DNAH2: variants seen among roughly 807,000 people sequenced by gnomAD.
DNAH2 encodes axonemal beta dynein heavy chain 2.
In DNAH2, 323 loss-of-function variants were observed where a neutral mutation model predicts 523.5. The observed-to-expected ratio is 0.62, with a 90% CI of 0.56 to 0.68. The LOEUF is 0.68. Among genes scored for constraint, DNAH2 ranks in the 30% least tolerant of loss-of-function variants. The probability of loss-of-function intolerance (pLI) is 0.00; values close to 1 mark genes in which losing one functional copy is unlikely to be tolerated. For missense variants in DNAH2, 4,907 were observed against 5,701.5 expected (o/e 0.86, Z 4.49); for synonymous variants, 2,093 against 2,177.4 (o/e 0.96, Z 1.08).
chr17:7,779,098 AGTGTACTCTGGT>A (rs2076536218), intron 35 of DNAH2, 133 bp from the exon 36 acceptor site: 1 of 846,018 alleles, frequency 1.2e-6, no homozygotes. Context: ...AAGCTACAAC[AGTGTACTCTGGT>A]GCCCTCCTCC....
intron 63 of DNAH2, among the ~76,000 whole-genome samples, chr17:7,810,755 A>G (rs2077495578): frequency 6.6e-6 from 1 of 152,194 alleles, no homozygotes; most frequent in African/African-American, 2.4e-5. Flanking sequence ...AGGCCAATTA[A>G]GTAAGAATCC....
chr17:7,767,950 G>C lies in DNAH2; in HGVS notation c.3726G>C (p.Glu1242Asp), dbSNP rs2076215031. 6.2e-7 allele frequency: 1 copy of C among 1,614,042 alleles called. No individual in the cohort carries two copies. ...GGGAGATCGCACGAGACTGGGAGGA[G>C]AACTGGAATGAGTGGAAGACTGGCC... ...QIWEIARDWE[E>D]NWNEWKTGRF... Residue 1242 changes from glutamate to aspartate, a missense_variant, in exon 23 of 86, where the codon GAG becomes GAC. Coordinates refer to ENST00000572933, the MANE Select transcript of DNAH2 (RefSeq NM_020877.5).
chr17:7,809,811 C>G (rs1597731450), intron 63 of DNAH2, among the ~76,000 whole-genome samples: 2 of 151,690 alleles, frequency 1.3e-5, no homozygotes, highest in East Asian at 3.9e-4. Context: ...ACGGACAAAG[C>G]CTGTGACGTT....
Position 7,774,847 on chromosome 17 carries a change from T to A in DNAH2, c.4590T>A (p.Ile1530=). Residue 1530 remains isoleucine, a synonymous_variant, in exon 29 of 86, where the codon ATT becomes ATA. Transcript: ENST00000572933. The part of the protein sequence containing the change: ...LDMYLETKRH[I]FPRFYFLSND... ...TGTATTTAGAGACCAAGCGACATATTTTCCCCCGCTTCTACTTCTTGTCCA... is the reference window on the plus strand; with the variant it reads ...TGTATTTAGAGACCAAGCGACATATATTCCCCCGCTTCTACTTCTTGTCCA... 6.2e-7 allele frequency: 1 copy of A among 1,614,210 alleles called. No individual in the cohort carries two copies. Among genetic ancestry groups the A allele is most frequent in the Admixed American group, 1.7e-5 (1 of 60,030 alleles).
At chr17:7,749,195 C>A (rs2075599116) in intron 12 of DNAH2, among the ~76,000 whole-genome samples, 1 of 150,644 alleles carries the variant, frequency 6.6e-6, no homozygotes, top group Non-Finnish European at 1.5e-5. Flanking sequence ...GTAATCCCAG[C>A]TACTCAGGAG....
chr17:7,826,183 C>G (rs2078012805), intron 77 of DNAH2, among the ~76,000 whole-genome samples: 2 of 152,206 alleles, frequency 1.3e-5, no homozygotes, highest in African/African-American at 4.8e-5. Context: ...CTACGCCCTA[C>G]TAATTTTTGC....
chr17:7,783,319 C>T (rs555788477), intron 39 of DNAH2, among the ~76,000 whole-genome samples: 3 of 152,172 alleles, frequency 2.0e-5, no homozygotes, highest in East Asian at 3.9e-4. Flanking sequence ...TCAGGTGATC[C>T]GCCTGCCTCA....
Position 7,776,710 on chromosome 17 carries a change from G to T in DNAH2, c.4948-69G>T, listed in dbSNP as rs568191702. 14 of 1,266,442 alleles carry T rather than the reference G, an allele frequency of 1.1e-5. No individual in the cohort carries two copies. The African/African-American group carries it at 1.5e-4, about 13-fold the overall frequency. 78.5% of individuals were successfully genotyped at this position (1,266,442 alleles called of 1,614,324 possible). A position where few individuals can be genotyped will look rare whatever the true frequency, so the allele number is the denominator to read the frequency against. ...GGCACATGGTTCTTGAATTAGCTGGGACTTGGGAGCTGGGCTGTGCGTGTA... is the reference window on the plus strand; with the variant it reads ...GGCACATGGTTCTTGAATTAGCTGGTACTTGGGAGCTGGGCTGTGCGTGTA... On this transcript the variant is annotated intron_variant, in intron 31 of 85. Transcript: ENST00000572933.
At chr17:7,727,821 A>G (rs1404278020) in intron 4 of DNAH2, among the ~76,000 whole-genome samples, 1 of 151,972 alleles carries the variant, frequency 6.6e-6, no homozygotes, top group Non-Finnish European at 1.5e-5. Context: ...CATATAAGCA[A>G]ATATTTACTA....
intron 48 of DNAH2, 71 bp downstream of exon 48, chr17:7,793,276 G>C: frequency 6.6e-7 from 1 of 1,518,178 alleles, no homozygotes; most frequent in African/African-American, 1.4e-5. Context: ...CACTCCACTG[G>C]GGCCCCAGGC....
chr17:7,798,475 A>G lies in DNAH2; in HGVS notation c.8399-83A>G. 1 of 1,570,628 alleles carries G rather than the reference A, an allele frequency of 6.4e-7. No homozygotes were observed. ...GTCGCGTGTATGCTGCGGGGCGGGG[A>G]GGGTTCCTAAATCTCAGAAAAGGAA... On this transcript the variant is annotated intron_variant, in intron 54 of 85. Transcript: ENST00000572933. The surrounding 1 kb of genome is among the most constrained non-coding windows in gnomAD (Gnocchi z 5.5).
At chr17:7,823,747 C>T in intron 74 of DNAH2, 87 bp from the exon 75 acceptor site, 1 of 1,581,162 alleles carries the variant, frequency 6.3e-7, no homozygotes, top group Non-Finnish European at 8.6e-7. Context: ...TGGCCCGGAG[C>T]ACATTCCCGG....
chr17:7,762,792 A>G (rs2076042429), intron 18 of DNAH2, among the ~76,000 whole-genome samples: 1 of 152,108 alleles, frequency 6.6e-6, no homozygotes, highest in East Asian at 1.9e-4. Context: ...AAGAACACAA[A>G]GGGGCGCTGT....
At chr17:7,833,316 C>T (rs1330810148) in intron 85 of DNAH2, 63 bp from the exon 86 acceptor site, 1 of 1,608,582 alleles carries the variant, frequency 6.2e-7, no homozygotes, top group Non-Finnish European at 8.5e-7. Flanking sequence ...CCGCTCCTGC[C>T]CTGCTCCTGC....
chr17:7,778,012 C>A, intron 33 of DNAH2, 65 bp from the exon 34 acceptor site: 2 of 1,428,162 alleles, frequency 1.4e-6, no homozygotes, highest in South Asian at 2.3e-5. Context: ...CACTCTCAGT[C>A]ATTGTCCCAG....
chr17:7,789,816 G>A (rs1384610506), intron 44 of DNAH2, among the ~76,000 whole-genome samples: 2 of 152,084 alleles, frequency 1.3e-5, no homozygotes, highest in Non-Finnish European at 2.9e-5. Context: ...GACCTCAGGT[G>A]ATCCACCCAC....
intron 8 of DNAH2, chr17:7,738,005 C>G: frequency 2.8e-6 from 2 of 703,230 alleles, no homozygotes; most frequent in Non-Finnish European, 5.2e-6. Flanking sequence ...CGCCATCTCC[C>G]TGGACCGGAT....
chr17:7,806,395 C>T (rs28617244), intron 61 of DNAH2, among the ~76,000 whole-genome samples: 708 of 152,170 alleles, frequency 4.7e-3, no homozygotes, highest in African/African-American at 0.016. Flanking sequence ...CGGTGGCTCA[C>T]GCCTGTAATC....
Position 7,831,672 on chromosome 17 carries a change from C to T in DNAH2, c.12623C>T (p.Thr4208Ile). 1.2e-6 allele frequency: 2 copies of T among 1,614,138 alleles called. No individual in the cohort carries two copies. Among genetic ancestry groups the T allele is most frequent in the Non-Finnish European group, 1.7e-6 (2 of 1,179,976 alleles). Residue 4208 changes from threonine to isoleucine, a missense_variant, in exon 82 of 86, where the codon ACA (threonine) becomes ATA (isoleucine). Transcript: ENST00000572933. This position sits in a 1 kb window ranked among gnomAD's most constrained non-coding sequence, Gnocchi z 4.2. Reference sequence around the variant, plus strand: ...CTCATCCTGCTCAGGTTCTCACTGACAGACCTAGAGAAAGGCATCCAGGGT... The same window carrying T: ...CTCATCCTGCTCAGGTTCTCACTGATAGACCTAGAGAAAGGCATCCAGGGT... ...TLMQTILFSL[T>I]DLEKGIQGLI...
Sources: gnomAD v4.1 joint callset for allele counts (sites outside exome capture counted in the v4.1 genomes callset) on GRCh38, gnomAD v4.1.1 for gene constraint, Gnocchi (gnomAD v3.1) non-coding constraint, MANE v1.5 for transcripts, NCBI Gene and HGNC (gene_info 2026-07-23, HGNC 2026-07-21) for gene names.